Variants in ERICH4 observed in about 807,000 individuals in gnomAD.
The protein encoded by ERICH4 is glutamate rich 4.
In ERICH4, 4 loss-of-function variants were observed where a neutral mutation model predicts 5.2. The ratio of observed to expected loss-of-function variants is 0.77; its 90% confidence interval spans 0.38 to 1.76. The LOEUF is 1.76. Among genes scored for constraint, ERICH4 ranks in the 40% most tolerant of loss-of-function variants. ERICH4 has a pLI of 0.04. For missense variants in ERICH4, 164 were observed against 159.8 expected, an observed-to-expected ratio of 1.03 and a Z score of -0.14; for synonymous variants, 75 against 68.7, an observed-to-expected ratio of 1.09 and a Z score of -0.45.
At chr19:41,443,569 G>T (rs10415806) in intron 1 of ERICH4, among the ~76,000 whole-genome samples, 141,523 of 151,522 alleles carry the variant, frequency 0.93, 66,137 homozygotes, top group East Asian at 0.95. Flanking sequence ...AAGCAGAGAC[G>T]GAGAGCAGGA....
At position 41,443,227 on chromosome 19, in the gene ERICH4, C is replaced by T. The variant is rs1555773411; in HGVS notation, c.58C>T (p.Pro20Ser). ...AGLVPPGLGP[P>S]PQALREVSPV... is the part of the protein sequence containing the mutation. ...ACTGGTGCCTCCGGGGCTGGGCCCA[C>T]CCCCCCAGGCCCTGAGGGAGGTCTC... The change falls in exon 1 of 2, where the codon CCC becomes TCC. Residue 20 changes from proline (P) to serine (S), a missense_variant. Transcript: ENST00000378187. The T allele has an allele frequency of 2.8e-6, 4 of 1,449,620 alleles. No homozygotes were observed. The highest frequency in any genetic ancestry group is 3.6e-6 in the Non-Finnish European group (4 of 1,096,364). The allele number at this position is 1,449,620 out of a possible 1,614,324, so 89.8% of individuals were successfully genotyped here.
At position 41,444,265 on chromosome 19, in the gene ERICH4, C is replaced by A; in HGVS notation, c.*41C>A. The A allele has an allele frequency of 6.5e-7, 1 of 1,547,324 alleles. No homozygotes were observed. Among genetic ancestry groups the A allele is most frequent in the Non-Finnish European group, 8.7e-7 (1 of 1,142,942 alleles). ...TTTAGATTGACATACAAATGAGATG[C>A]AAATGTATGTAAAGGAGAAGGGAGA... On this transcript the variant is annotated 3_prime_UTR_variant, in exon 2 of 2. Coordinates refer to ENST00000378187, the MANE Select transcript of ERICH4 (RefSeq NM_001130514.3).
Position 41,443,240 on chromosome 19 carries a change from T to C in ERICH4, c.71T>C (p.Leu24Pro). 6.9e-7 allele frequency: 1 copy of C among 1,454,136 alleles called. No individual in the cohort carries two copies. Among genetic ancestry groups the C allele is most frequent in the East Asian group, 2.9e-5 (1 of 34,724 alleles). 90.1% of individuals were successfully genotyped at this position (1,454,136 alleles called of 1,614,324 possible). A position where few individuals can be genotyped will look rare whatever the true frequency, so the allele number is the denominator to read the frequency against. Reference sequence around the variant, plus strand: ...GGGCTGGGCCCACCCCCCCAGGCCCTGAGGGAGGTCTCCCCAGTGGAAATC... The same window carrying C: ...GGGCTGGGCCCACCCCCCCAGGCCCCGAGGGAGGTCTCCCCAGTGGAAATC... ...PPGLGPPPQA[L>P]REVSPVEIPG... The change falls in exon 1 of 2, where the codon CTG becomes CCG. Residue 24 changes from leucine to proline, a missense_variant. Transcript: ENST00000378187.
Position 41,444,330 on chromosome 19 carries a change from T to C in ERICH4, c.*106T>C. 4.1e-6 allele frequency: 5 copies of C among 1,229,066 alleles called. No homozygotes were observed. Among genetic ancestry groups the C allele is most frequent in the Non-Finnish European group, 5.8e-6 (5 of 864,074 alleles). The allele number at this position is 1,229,066 out of a possible 1,614,324, so 76.1% of individuals were successfully genotyped here. ...CAGATGTGGAATCAAGTATACCCCT[T>C]TAGTAAGTGCTTTCTCTGAAGGTGC... On this transcript the variant is annotated 3_prime_UTR_variant, in exon 2 of 2. Coordinates refer to ENST00000378187, the MANE Select transcript of ERICH4 (RefSeq NM_001130514.3).
In ERICH4 at chr19:41,444,109, A is replaced by G; in HGVS notation, c.278A>G (p.Glu93Gly). 4 of 1,551,868 alleles carry G rather than the reference A, an allele frequency of 2.6e-6. No individual in the cohort carries two copies. Among genetic ancestry groups the G allele is most frequent in the Non-Finnish European group, 3.5e-6 (4 of 1,147,022 alleles). Residue 93 changes from glutamate (E) to glycine (G), a missense_variant, in exon 2 of 2, where the codon GAG (glutamate) becomes GGG (glycine). By Grantham distance (98) the Glu-to-Gly change is moderately conservative (BLOSUM62 -2). Coordinates refer to ENST00000378187, the MANE Select transcript of ERICH4 (RefSeq NM_001130514.3). Reference protein sequence around the residue: ...REELVTILEEEEESSKEEEED... With the variant: ...REELVTILEEGEESSKEEEED... ...GAACTGGTCACCATATTGGAGGAGG[A>G]GGAGGAGAGCAGCAAGGAAGAGGAG...
intron 1 of ERICH4, among the ~76,000 whole-genome samples, chr19:41,443,707 G>T (rs1717297524): frequency 6.6e-6 from 1 of 151,974 alleles, no homozygotes; most frequent in South Asian, 2.1e-4. Flanking sequence ...ACAGGGGCAT[G>T]GAAAGACAAA....
In ERICH4 at chr19:41,443,228, C is replaced by T; in HGVS notation, c.59C>T (p.Pro20Leu). ...CTGGTGCCTCCGGGGCTGGGCCCAC[C>T]CCCCCAGGCCCTGAGGGAGGTCTCC... Reference protein sequence around the residue: ...AGLVPPGLGPPPQALREVSPV... With the variant: ...AGLVPPGLGPLPQALREVSPV... Residue 20 changes from proline to leucine, a missense_variant, in exon 1 of 2, where the codon CCC becomes CTC. By Grantham distance (98) the Pro-to-Leu change is moderately conservative. Coordinates refer to ENST00000378187, the MANE Select transcript of ERICH4 (RefSeq NM_001130514.3). The T allele has an allele frequency of 6.8e-7, 1 of 1,462,672 alleles. No individual in the cohort carries two copies. Among genetic ancestry groups the T allele is most frequent in the East Asian group, 2.9e-5 (1 of 34,828 alleles). The allele number at this position is 1,462,672 out of a possible 1,614,324, so 90.6% of individuals were successfully genotyped here.
At position 41,444,304 on chromosome 19, in the gene ERICH4, G is replaced by T. The variant is rs116061667; in HGVS notation, c.*80G>T. 6.1e-3 allele frequency: 9,087 copies of T among 1,478,680 alleles called. 467 individuals carry two copies. The African/African-American group carries it at 0.11, about 18-fold the overall frequency. 91.6% of individuals were successfully genotyped at this position (1,478,680 alleles called of 1,614,324 possible). A position where few individuals can be genotyped will look rare whatever the true frequency, so the allele number is the denominator to read the frequency against. ...GGAGAAGGGAGATTTGCAGGTCAAA[G>T]CAGATGTGGAATCAAGTATACCCCT... is the stretch of plus-strand genomic sequence containing the variant. On this transcript the variant is annotated 3_prime_UTR_variant, in exon 2 of 2. Coordinates refer to ENST00000378187, the MANE Select transcript of ERICH4 (RefSeq NM_001130514.3).
In ERICH4 at chr19:41,444,326, C is replaced by A; in HGVS notation, c.*102C>A. 3.9e-6 allele frequency: 5 copies of A among 1,280,386 alleles called. No individual in the cohort carries two copies. The highest frequency in any genetic ancestry group is 1.3e-5 in the South Asian group (1 of 75,638). 79.3% of individuals were successfully genotyped at this position (1,280,386 alleles called of 1,614,324 possible). ...AAAGCAGATGTGGAATCAAGTATAC[C>A]CCTTTAGTAAGTGCTTTCTCTGAAG... On this transcript the variant is annotated 3_prime_UTR_variant, in exon 2 of 2. Coordinates refer to ENST00000378187, the MANE Select transcript of ERICH4 (RefSeq NM_001130514.3).
At position 41,444,468 on chromosome 19, in the gene ERICH4, A is replaced by T; in HGVS notation, c.*244A>T. On this transcript the variant is annotated 3_prime_UTR_variant, in exon 2 of 2. Transcript: ENST00000378187. ...GTAGAGAAGTTGCAGGTGCTTTCGCAGATGAGCCTCAGGTGTGCTGCTGAG... is the reference window on the plus strand; with the variant it reads ...GTAGAGAAGTTGCAGGTGCTTTCGCTGATGAGCCTCAGGTGTGCTGCTGAG... The T allele has an allele frequency of 1.8e-6, 1 of 561,038 alleles. No homozygotes were observed. 34.8% of individuals were successfully genotyped at this position (561,038 alleles called of 1,614,324 possible). A position where few individuals can be genotyped will look rare whatever the true frequency, so the allele number is the denominator to read the frequency against.
In ERICH4 at chr19:41,444,110, G is replaced by A; in HGVS notation, c.279G>A (p.Glu93=). The A allele has an allele frequency of 6.4e-7, 1 of 1,552,004 alleles. No individual in the cohort carries two copies. Among genetic ancestry groups the A allele is most frequent in the Non-Finnish European group, 8.7e-7 (1 of 1,147,064 alleles). ...AACTGGTCACCATATTGGAGGAGGA[G>A]GAGGAGAGCAGCAAGGAAGAGGAGG... is the stretch of plus-strand genomic sequence containing the variant. The part of the protein sequence containing the change: ...REELVTILEE[E]EESSKEEEED... Residue 93 remains glutamate, a synonymous_variant, in exon 2 of 2, where the codon GAG becomes GAA. Transcript: ENST00000378187.
Position 41,443,157 on chromosome 19 carries a change from T to C in ERICH4, c.-13T>C. The C allele has an allele frequency of 7.0e-7, 1 of 1,425,416 alleles. No homozygotes were observed. The allele number at this position is 1,425,416 out of a possible 1,614,324, so 88.3% of individuals were successfully genotyped here. On this transcript the variant is annotated 5_prime_UTR_variant, in exon 1 of 2. Transcript: ENST00000378187. ...TGCTACTTCCTGCTCCTTGCAGCCATAGCTCAGAGACGATGGAACTGTGGA... is the reference window on the plus strand; with the variant it reads ...TGCTACTTCCTGCTCCTTGCAGCCACAGCTCAGAGACGATGGAACTGTGGA...
rs1364352808 is a variant in ERICH4, at chr19:41,443,427, C to T, written c.174+84C>T. The T allele has an allele frequency of 2.1e-5, 24 of 1,132,952 alleles. No individual in the cohort carries two copies. The South Asian group carries it at 4.0e-4, about 19-fold the overall frequency. The allele number at this position is 1,132,952 out of a possible 1,614,324, so 70.2% of individuals were successfully genotyped here. ...AACAAAAATAGAGAAGGCCAGAGATCGAAAAACAGAATCTGAGAGATAGAA... is the reference window on the plus strand; with the variant it reads ...AACAAAAATAGAGAAGGCCAGAGATTGAAAAACAGAATCTGAGAGATAGAA... On this transcript the variant is annotated intron_variant, in intron 1 of 1. Coordinates refer to ENST00000378187, the MANE Select transcript of ERICH4 (RefSeq NM_001130514.3).
chr19:41,443,869 G>C (rs138270657), intron 1 of ERICH4, 137 bp from the exon 2 acceptor site: 1 of 618,638 alleles, frequency 1.6e-6, no homozygotes, highest in Non-Finnish European at 2.8e-6. Context: ...AAGGCAGTTA[G>C]GGTCCATGGG....
Position 41,444,138 on chromosome 19 carries a change from G to A in ERICH4, c.307G>A (p.Asp103Asn), listed in dbSNP as rs1555773561. ...GGAGAGCAGCAAGGAAGAGGAGGAGGATCAAGAGCCCCAGAGGAAGCAGGA... is the reference window on the plus strand; with the variant it reads ...GGAGAGCAGCAAGGAAGAGGAGGAGAATCAAGAGCCCCAGAGGAAGCAGGA... Reference protein sequence around the residue: ...EEESSKEEEEDQEPQRKQEEE... With the variant: ...EEESSKEEEENQEPQRKQEEE... Residue 103 changes from aspartate (D) to asparagine (N), a missense_variant, in exon 2 of 2, where the codon GAT (aspartate) becomes AAT (asparagine). Transcript: ENST00000378187. 5 of 1,552,048 alleles carry A rather than the reference G, an allele frequency of 3.2e-6. No individual in the cohort carries two copies. Among genetic ancestry groups the A allele is most frequent in the East Asian group, 4.9e-5 (2 of 40,932 alleles).
chr19:41,443,365 G>A, intron 1 of ERICH4, 22 bp downstream of exon 1: 1 of 1,288,262 alleles, frequency 7.8e-7, no homozygotes, highest in Non-Finnish European at 9.9e-7. Context: ...GTTTGGAAGG[G>A]AAAGAGAAAG....
intron 1 of ERICH4, 51 bp from the exon 2 acceptor site, chr19:41,443,955 C>T: frequency 6.9e-7 from 1 of 1,441,744 alleles, no homozygotes; most frequent in Non-Finnish European, 9.5e-7. Context: ...CCTGGAGAGA[C>T]CCCTTGCTCT....
At position 41,443,335 on chromosome 19, in the gene ERICH4, G is replaced by T; in HGVS notation, c.166G>T (p.Glu56Ter). 1 of 1,299,392 alleles carries T rather than the reference G, an allele frequency of 7.7e-7. No individual in the cohort carries two copies. 80.5% of individuals were successfully genotyped at this position (1,299,392 alleles called of 1,614,324 possible). ...CTGCGATAGTCTGCTGTGGATCAGG[G>T]AGGAGCTGGTGAGTGAGGGGTTTGG... ...GACDSLLWIR[E>*]ELGNLRRVDV... Residue 56 changes from glutamate (E) to a stop codon, truncating the protein, a stop_gained, in exon 1 of 2, where the codon GAG (glutamate) becomes TAG (stop). Coordinates refer to ENST00000378187, the MANE Select transcript of ERICH4 (RefSeq NM_001130514.3). LOFTEE classifies it low-confidence loss of function (END_TRUNC).
At position 41,444,096 on chromosome 19, in the gene ERICH4, A is replaced by C; in HGVS notation, c.265A>C (p.Ile89Leu). The change falls in exon 2 of 2, where the codon ATA becomes CTA. Residue 89 changes from isoleucine (I) to leucine (L), a missense_variant. Coordinates refer to ENST00000378187, the MANE Select transcript of ERICH4 (RefSeq NM_001130514.3). ...GGCGCTGCGGGAGGAACTGGTCACC[A>C]TATTGGAGGAGGAGGAGGAGAGCAG... ...MGALREELVTILEEEEESSKE... is the reference protein window; with the variant it reads ...MGALREELVTLLEEEEESSKE... The C allele has an allele frequency of 1.9e-6, 3 of 1,551,870 alleles. No individual in the cohort carries two copies. Among genetic ancestry groups the C allele is most frequent in the Non-Finnish European group, 2.6e-6 (3 of 1,147,030 alleles).
Sources: gnomAD v4.1 joint callset for allele counts (sites outside exome capture counted in the v4.1 genomes callset) on GRCh38, gnomAD v4.1.1 for gene constraint, MANE v1.5 for transcripts, NCBI Gene and HGNC (gene_info 2026-07-23, HGNC 2026-07-21) for gene names.